The following RALGPS2 variants were observed in gnomAD, a reference collection of about 807,000 sequenced individuals.
The protein encoded by RALGPS2 is ras-specific guanine nucleotide-releasing factor RalGPS2.
In RALGPS2, 43 loss-of-function variants were observed where a neutral mutation model predicts 86.8. That is an observed-to-expected ratio of 0.50 (90% CI 0.39 to 0.64). The LOEUF is 0.64. RALGPS2 is among the 30% of genes least tolerant of loss of function. The probability of loss-of-function intolerance (pLI) is 0.00; values close to 1 mark genes in which losing one functional copy is unlikely to be tolerated. For synonymous variants in RALGPS2, 243 were observed against 231.3 expected (o/e 1.05, Z -0.46); for missense variants, 536 against 694.6 (o/e 0.77, Z 2.57).
At chr1:178,887,710 T>C (rs981256092) in intron 13 of RALGPS2, among the ~76,000 whole-genome samples, 5 of 152,298 alleles carry the variant, frequency 3.3e-5, no homozygotes, top group Admixed American at 1.3e-4. Context: ...ATTCAGTAGT[T>C]GTTTATTCTG....
At chr1:178,746,618 AG>A in intron 1 of RALGPS2, 2 of 743,178 alleles carry the variant, frequency 2.7e-6, no homozygotes, top group Non-Finnish European at 5.0e-6. Context: ...AGTGGGCTTC[AG>A]GTCTTGATTT....
intron 1 of RALGPS2, among the ~76,000 whole-genome samples, chr1:178,773,038 G>A (rs925621193): frequency 6.6e-6 from 1 of 152,214 alleles, no homozygotes; most frequent in African/African-American, 2.4e-5. Context: ...CTGACCTCAG[G>A]TAATCCACCT....
intron 1 of RALGPS2, among the ~76,000 whole-genome samples, chr1:178,744,810 T>TC (rs1488249423): frequency 1.8e-5 from 2 of 108,272 alleles, no homozygotes; most frequent in Non-Finnish European, 3.4e-5. Flanking sequence ...AGAGCGAGAC[T>TC]CCATCTCAAA....
At chr1:178,888,734 T>C (rs1280428166) in intron 13 of RALGPS2, among the ~76,000 whole-genome samples, 1 of 152,084 alleles carries the variant, frequency 6.6e-6, no homozygotes, top group Non-Finnish European at 1.5e-5. Flanking sequence ...ACTAGTGCCA[T>C]TGCAAACCCG....
intron 4 of RALGPS2, among the ~76,000 whole-genome samples, chr1:178,801,865 C>A (rs577183996): frequency 2.0e-3 from 300 of 152,176 alleles, no homozygotes; most frequent in African/African-American, 7.0e-3. Flanking sequence ...TCTTTGGAAG[C>A]AGCTGGGTTA....
intron 8 of RALGPS2, 55 bp from the exon 9 acceptor site, chr1:178,877,443 C>A: frequency 6.2e-7 from 1 of 1,600,040 alleles, no homozygotes; most frequent in South Asian, 1.1e-5. Context: ...TTTTCTTTGT[C>A]ATAGTCTCCC....
intron 4 of RALGPS2, among the ~76,000 whole-genome samples, chr1:178,788,353 A>G (rs74526290): frequency 6.6e-6 from 1 of 152,196 alleles, no homozygotes; most frequent in African/African-American, 2.4e-5. Flanking sequence ...AAGGTATAGC[A>G]GTAAGCCAAC....
chr1:178,916,261 AG>A (rs1321463438), intron 19 of RALGPS2, 68 bp from the exon 20 acceptor site: 7 of 1,302,402 alleles, frequency 5.4e-6, no homozygotes, highest in Non-Finnish European at 7.6e-6. Flanking sequence ...CTAAATAACA[AG>A]GAAAGATAAG....
At chr1:178,733,658 A>G (rs148816421) in intron 1 of RALGPS2, among the ~76,000 whole-genome samples, 107 of 152,334 alleles carry the variant, frequency 7.0e-4, no homozygotes, top group African/African-American at 2.5e-3. Context: ...CTTTGGCAGC[A>G]TTTGCCTAAA....
chr1:178,737,335 C>T (rs1650765905), intron 1 of RALGPS2, among the ~76,000 whole-genome samples: 1 of 152,214 alleles, frequency 6.6e-6, no homozygotes, highest in Admixed American at 6.5e-5. Flanking sequence ...CAACCTCTGC[C>T]TCCCAGGTTC....
chr1:178,850,992 A>T, intron 8 of RALGPS2: 1 of 774,082 alleles, frequency 1.3e-6, no homozygotes, highest in Non-Finnish European at 1.9e-6. Flanking sequence ...GTTCCCTTTT[A>T]TAGTTACGGT....
At chr1:178,788,713 G>A (rs1023802375) in intron 4 of RALGPS2, among the ~76,000 whole-genome samples, 1 of 152,142 alleles carries the variant, frequency 6.6e-6, no homozygotes, top group Admixed American at 6.5e-5. Context: ...TGAAAAAGAT[G>A]GGAAGCCATT....
At chr1:178,895,258 T>G (rs769323767) in intron 16 of RALGPS2, among the ~76,000 whole-genome samples, 2 of 152,086 alleles carry the variant, frequency 1.3e-5, no homozygotes, top group Admixed American at 1.3e-4. Flanking sequence ...TTCATATAAG[T>G]AATCTTATTT....
At chr1:178,776,903 A>G (rs1653114636) in intron 2 of RALGPS2, 82 bp downstream of exon 2, 2 of 1,062,364 alleles carry the variant, frequency 1.9e-6, no homozygotes, top group East Asian at 5.1e-5. Context: ...TCACATACTT[A>G]AATCAGAAGT....
At chr1:178,860,002 A>C (rs1436099963) in intron 8 of RALGPS2, among the ~76,000 whole-genome samples, 2 of 151,802 alleles carry the variant, frequency 1.3e-5, no homozygotes, top group Non-Finnish European at 2.9e-5. Flanking sequence ...GTACCCCCTC[A>C]TTTAATCATC....
At chr1:178,796,980 T>C (rs1654222856) in intron 4 of RALGPS2, among the ~76,000 whole-genome samples, 1 of 152,216 alleles carries the variant, frequency 6.6e-6, no homozygotes, top group Non-Finnish European at 1.5e-5. Context: ...GCAAGTTAAA[T>C]CCATTGTAAC....
At chr1:178,794,539 G>A (rs1022507493) in intron 4 of RALGPS2, among the ~76,000 whole-genome samples, 11 of 152,120 alleles carry the variant, frequency 7.2e-5, no homozygotes, top group African/African-American at 2.7e-4. Flanking sequence ...ACATTTAGAG[G>A]ATTTTTGTTT....
At chr1:178,752,834 T>G (rs995560993) in intron 1 of RALGPS2, among the ~76,000 whole-genome samples, 2 of 152,212 alleles carry the variant, frequency 1.3e-5, no homozygotes, top group African/African-American at 4.8e-5. Flanking sequence ...AGTCATTGCT[T>G]AGGTATCCAT....
intron 19 of RALGPS2, 143 bp downstream of exon 19, chr1:178,907,010 A>G: frequency 4.1e-6 from 3 of 736,164 alleles, no homozygotes; most frequent in Non-Finnish European, 6.6e-6. Context: ...TTAATAAGAT[A>G]TGAAGGTCTA....
Sources: gnomAD v4.1 joint callset for allele counts (sites outside exome capture counted in the v4.1 genomes callset) on GRCh38, gnomAD v4.1.1 for gene constraint, MANE v1.5 for transcripts, NCBI Gene and HGNC (gene_info 2026-07-23, HGNC 2026-07-21) for gene names.